SOX6: variants seen among roughly 807,000 people sequenced by gnomAD.
SOX6 encodes SRY-box transcription factor 6, also known as transcription factor SOX-6.
Under a neutral mutation model 97.8 loss-of-function variants are expected in SOX6, and 11 were observed. That is an observed-to-expected ratio of 0.11 (90% CI 0.07 to 0.19). The LOEUF (loss-of-function observed/expected upper bound fraction) is 0.19, where lower values mean the gene tolerates loss of function less well. Among genes scored for constraint, SOX6 ranks in the 10% least tolerant of loss-of-function variants. The pLI, the probability that SOX6 is intolerant of heterozygous loss-of-function variation, is 1.00. For synonymous variants in SOX6, 360 were observed against 371.4 expected, an observed-to-expected ratio of 0.97 and a Z score of 0.35; for missense variants, 810 against 1,039.5, an observed-to-expected ratio of 0.78 and a Z score of 3.04.
At chr11:16,568,338 C>G (rs1847900082) in intron 4 of SOX6, among the ~76,000 whole-genome samples, 1 of 151,910 alleles carries the variant, frequency 6.6e-6, no homozygotes, top group Admixed American at 6.5e-5. Flanking sequence ...GAAAAACAGC[C>G]AGACACAAAA....
intron 4 of SOX6, among the ~76,000 whole-genome samples, chr11:16,222,584 T>G (rs994213249): frequency 2.6e-5 from 4 of 152,134 alleles, no homozygotes; most frequent in African/African-American, 9.7e-5. Context: ...TCGTTTAATT[T>G]CTACAGAATA....
intron 4 of SOX6, among the ~76,000 whole-genome samples, chr11:16,567,553 A>ATT (rs143314547): frequency 1.0e-4 from 11 of 107,052 alleles, no homozygotes; most frequent in Admixed American, 3.4e-4. Context: ...GGTATGTCAT[A>ATT]TTTTTTTCTT....
intron 3 of SOX6, among the ~76,000 whole-genome samples, chr11:16,250,083 A>G (rs890688725): frequency 1.3e-5 from 2 of 152,182 alleles, no homozygotes; most frequent in African/African-American, 4.8e-5. Flanking sequence ...CCCCTGGGCC[A>G]TGGACTGGTA....
At chr11:16,352,327 T>C (rs186317622) in intron 1 of SOX6, among the ~76,000 whole-genome samples, 4 of 151,832 alleles carry the variant, frequency 2.6e-5, no homozygotes, top group South Asian at 4.2e-4. Flanking sequence ...GAAGAGATGG[T>C]TGAAAAGATA....
chr11:16,547,356 C>T (rs1176885775), intron 4 of SOX6, among the ~76,000 whole-genome samples: 1 of 152,018 alleles, frequency 6.6e-6, no homozygotes, highest in Non-Finnish European at 1.5e-5. Flanking sequence ...GCTATGGAAC[C>T]AACCTAGGTG....
At chr11:16,534,413 T>G (rs1288217556) in intron 4 of SOX6, among the ~76,000 whole-genome samples, 2 of 152,152 alleles carry the variant, frequency 1.3e-5, no homozygotes, top group Non-Finnish European at 2.9e-5. Context: ...CTTAGGTTTC[T>G]TCTAGAACTT....
intron 4 of SOX6, among the ~76,000 whole-genome samples, chr11:16,565,620 GCACA>G: frequency 2.5e-4 from 2 of 8,080 alleles, no homozygotes; most frequent in Non-Finnish European, 5.4e-4. Flanking sequence ...TTAAAGCATG[GCACA>G]TGTATACATA....
intron 3 of SOX6, among the ~76,000 whole-genome samples, chr11:16,668,421 C>T (rs1392162107): frequency 1.3e-5 from 2 of 151,846 alleles, no homozygotes; most frequent in Non-Finnish European, 2.9e-5. Context: ...AAATAAAAAG[C>T]AAGAAATTAA....
intron 3 of SOX6, among the ~76,000 whole-genome samples, chr11:16,266,976 A>T (rs912628473): frequency 1.6e-4 from 22 of 139,420 alleles, no homozygotes; most frequent in Admixed American, 4.5e-4. Flanking sequence ...AGCTGGGAAA[A>T]CTGGATAACC....
At chr11:16,051,487 C>G (rs1379070454) in intron 10 of SOX6, among the ~76,000 whole-genome samples, 1 of 152,060 alleles carries the variant, frequency 6.6e-6, no homozygotes, top group Non-Finnish European at 1.5e-5. Context: ...CAATTTGTCA[C>G]ATACGTTGCA....
chr11:16,103,195 A>G (rs1192761672), intron 7 of SOX6, among the ~76,000 whole-genome samples: 1 of 151,938 alleles, frequency 6.6e-6, no homozygotes, highest in Admixed American at 6.6e-5. Flanking sequence ...AAACAATCCC[A>G]TTAAAAAGTG....
intron 3 of SOX6, among the ~76,000 whole-genome samples, chr11:16,235,338 T>C (rs997903827): frequency 4.6e-5 from 7 of 152,046 alleles, no homozygotes; most frequent in African/African-American, 1.7e-4. Context: ...CATACTAAAA[T>C]ACAGGGAGTA....
intron 3 of SOX6, among the ~76,000 whole-genome samples, chr11:16,288,474 C>A (rs959921789): frequency 3.3e-5 from 5 of 151,956 alleles, no homozygotes; most frequent in African/African-American, 9.7e-5. Context: ...AAAGCAGTAT[C>A]AGAAGTAGAT....
intron 2 of SOX6, among the ~76,000 whole-genome samples, chr11:16,333,302 T>C (rs1035105892): frequency 1.3e-5 from 2 of 152,154 alleles, no homozygotes; most frequent in Admixed American, 6.5e-5. Flanking sequence ...AAATTAGTCA[T>C]ATAAACAACT....
chr11:15,978,028 C>T (rs770352079), intron 15 of SOX6, among the ~76,000 whole-genome samples: 34 of 152,010 alleles, frequency 2.2e-4, no homozygotes, highest in Non-Finnish European at 4.3e-4. Context: ...ATAAGGCTAA[C>T]CCCTCTGCTT....
At chr11:16,173,048 A>G (rs573569433) in intron 6 of SOX6, among the ~76,000 whole-genome samples, 2 of 151,898 alleles carry the variant, frequency 1.3e-5, no homozygotes, top group East Asian at 1.9e-4. Context: ...GTATAAGTCT[A>G]TGGAATTTAC....
chr11:16,171,857 A>T (rs1487712949), intron 6 of SOX6, among the ~76,000 whole-genome samples: 1 of 151,892 alleles, frequency 6.6e-6, no homozygotes, highest in East Asian at 1.9e-4. Context: ...ACACATCAGA[A>T]ATGAAATTCT....
At chr11:16,682,787 G>T (rs1056619344) in intron 3 of SOX6, among the ~76,000 whole-genome samples, 2 of 152,162 alleles carry the variant, frequency 1.3e-5, no homozygotes, top group African/African-American at 4.8e-5. Context: ...AGGAAAAGAG[G>T]AAGTCAAATT....
Position 16,209,585 on chromosome 11 carries a change from G to A in SOX6, c.536-22630C>T, listed in dbSNP as rs77506451. On this transcript the variant is annotated intron_variant, in intron 4 of 15. Coordinates refer to ENST00000683767, the MANE Select transcript of SOX6 (RefSeq NM_001367873.1). ...AGCCTGGATAACATGGCAAAACCCC[G>A]TCTCTACTAAAATACACAAATTAGC... 2.0e-4 allele frequency among the ~76,000 whole-genome samples: 30 copies of A among 152,074 alleles called. No homozygotes were observed. In the East Asian group the frequency reaches 2.7e-3, roughly 14 times the overall value.
Sources: gnomAD v4.1 joint callset for allele counts (sites outside exome capture counted in the v4.1 genomes callset) on GRCh38, gnomAD v4.1.1 for gene constraint, MANE v1.5 for transcripts, NCBI Gene and HGNC (gene_info 2026-07-23, HGNC 2026-07-21) for gene names.